The following KALRN variants were observed in gnomAD, a reference collection of about 807,000 sequenced individuals.
The protein encoded by KALRN is kalirin.
Under a neutral mutation model 353.7 loss-of-function variants are expected in KALRN, and 70 were observed. That is an observed-to-expected ratio of 0.20 (90% CI 0.16 to 0.24). The LOEUF (loss-of-function observed/expected upper bound fraction) is 0.24. KALRN is among the 10% of genes least tolerant of loss of function. The pLI, the probability that KALRN is intolerant of heterozygous loss-of-function variation, is 1.00. For synonymous variants in KALRN, 1,391 were observed against 1,434.8 expected (o/e 0.97, Z 0.69); for missense variants, 2,791 against 3,756.7 (o/e 0.74, Z 6.72).
rs16835009 is a variant in KALRN, at chr3:124,042,201, T to G, written c.73+8388T>G. Among the ~76,000 whole-genome samples the G allele has an allele frequency of 9.0e-3, 1,373 of 152,218 alleles. 13 individuals carry two copies. The highest frequency in any genetic ancestry group is 0.03 in the African/African-American group (1,232 of 41,524). ...ATTTAGGGGCAGTAAATGGTCCAGT[T>G]TATGTGACTCAGTGGCTGGTGGAGG... On this transcript the variant is annotated intron_variant, in intron 1 of 59. Coordinates refer to ENST00000682506, the MANE Select transcript of KALRN (RefSeq NM_001388419.1).
intron 58 of KALRN, among the ~76,000 whole-genome samples, chr3:124,715,716 A>G (rs534252454): frequency 7.8e-4 from 119 of 152,356 alleles, no homozygotes; most frequent in African/African-American, 2.8e-3. Flanking sequence ...TGTAACTGAA[A>G]GTCATTTCTG....
intron 1 of KALRN, among the ~76,000 whole-genome samples, chr3:124,087,675 G>A (rs1224124080): frequency 6.6e-6 from 1 of 152,126 alleles, no homozygotes; most frequent in African/African-American, 2.4e-5. Flanking sequence ...GTCTTTTGGG[G>A]TGCTGGGATA....
chr3:124,441,901 A>G (rs2093680437), intron 18 of KALRN, 44 bp from the exon 19 acceptor site: 1 of 1,275,690 alleles, frequency 7.8e-7, no homozygotes, highest in Non-Finnish European at 1.1e-6. Flanking sequence ...CTTGGATTCC[A>G]TACACCTGCT....
intron 34 of KALRN, among the ~76,000 whole-genome samples, chr3:124,565,802 C>T (rs1995322): frequency 0.37 from 56,954 of 152,058 alleles, 11,290 homozygotes; most frequent in African/African-American, 0.51. Flanking sequence ...AGGTGGAAAG[C>T]CAGAGAGCAG....
intron 34 of KALRN, among the ~76,000 whole-genome samples, chr3:124,598,150 T>C (rs2076441153): frequency 6.6e-6 from 1 of 152,234 alleles, no homozygotes; most frequent in African/African-American, 2.4e-5. Context: ...TTCTGGTATT[T>C]ACAAACGTCC....
intron 33 of KALRN, among the ~76,000 whole-genome samples, chr3:124,499,422 T>C (rs1240495347): frequency 4.6e-5 from 7 of 152,206 alleles, no homozygotes; most frequent in Admixed American, 1.3e-4. Context: ...TTGATAACCA[T>C]TAGACATTCA....
chr3:124,072,499 C>T (rs1386702532), intron 1 of KALRN, among the ~76,000 whole-genome samples: 2 of 152,154 alleles, frequency 1.3e-5, no homozygotes. Flanking sequence ...AGATGGGGAT[C>T]CTGGCCCAGG....
chr3:124,492,999 G>C, intron 32 of KALRN, 117 bp downstream of exon 32: 1 of 1,156,274 alleles, frequency 8.6e-7, no homozygotes, highest in Non-Finnish European at 1.2e-6. Flanking sequence ...CTCCAGGAAG[G>C]CCTGTGAGTT....
At chr3:124,231,613 A>G (rs1317018280) in intron 2 of KALRN, among the ~76,000 whole-genome samples, 1 of 152,226 alleles carries the variant, frequency 6.6e-6, no homozygotes, top group Non-Finnish European at 1.5e-5. Context: ...AGTTTGGGAA[A>G]TGCTGGACAT....
At chr3:124,332,832 T>C (rs1446628518) in intron 8 of KALRN, among the ~76,000 whole-genome samples, 2 of 152,118 alleles carry the variant, frequency 1.3e-5, no homozygotes, top group Non-Finnish European at 2.9e-5. Flanking sequence ...GAGCAAAGTA[T>C]TTTAAAAGGA....
intron 1 of KALRN, among the ~76,000 whole-genome samples, chr3:124,191,418 A>G (rs927283284): frequency 2.0e-5 from 3 of 152,210 alleles, no homozygotes; most frequent in African/African-American, 2.4e-5. Flanking sequence ...GCCCCCAGCC[A>G]CCAGTCATCT....
chr3:124,293,430 A>G (rs1259920510), intron 5 of KALRN, among the ~76,000 whole-genome samples: 2 of 152,190 alleles, frequency 1.3e-5, no homozygotes, highest in Non-Finnish European at 2.9e-5. Flanking sequence ...ATGCTTCTTA[A>G]AAAAAGAACA....
At chr3:124,468,436 G>A (rs906520749) in intron 25 of KALRN, among the ~76,000 whole-genome samples, 16 of 152,132 alleles carry the variant, frequency 1.1e-4, no homozygotes, top group Non-Finnish European at 1.6e-4. Context: ...GGGAAAGGCC[G>A]CCCTGTCAGG....
intron 32 of KALRN, among the ~76,000 whole-genome samples, chr3:124,493,421 C>A (rs2063379326): frequency 6.6e-6 from 1 of 152,172 alleles, no homozygotes; most frequent in East Asian, 1.9e-4. Context: ...GGACTTATAT[C>A]TTTCTGGATG....
At position 124,299,276 on chromosome 3, in the gene KALRN, G is replaced by A. The variant is rs1012501809; in HGVS notation, c.1092+363G>A. Among the ~76,000 whole-genome samples the A allele has an allele frequency of 2.6e-5, 4 of 152,210 alleles. No individual in the cohort carries two copies. In the East Asian group the frequency reaches 7.7e-4, roughly 29 times the overall value. ...GATCGGGGATGGTGAGGGGCCTCAA[G>A]CTGTGGCACATTGGAAATGGTTGAG... is the stretch of plus-strand genomic sequence containing the variant. On this transcript the variant is annotated intron_variant, in intron 6 of 59. Coordinates refer to ENST00000682506, the MANE Select transcript of KALRN (RefSeq NM_001388419.1).
intron 51 of KALRN, among the ~76,000 whole-genome samples, chr3:124,689,416 G>A (rs955639239): frequency 3.9e-5 from 6 of 151,920 alleles, no homozygotes; most frequent in African/African-American, 1.5e-4. Flanking sequence ...ATGTTGCCCA[G>A]GCTGGTCTTG....
intron 51 of KALRN, among the ~76,000 whole-genome samples, chr3:124,685,705 A>C (rs1014238557): frequency 6.6e-6 from 1 of 152,180 alleles, no homozygotes; most frequent in Admixed American, 6.5e-5. Flanking sequence ...GCCCAGCCAG[A>C]GCAACCAAGA....
chr3:124,497,639 GT>G (rs760214020), intron 33 of KALRN, among the ~76,000 whole-genome samples: 1 of 152,066 alleles, frequency 6.6e-6, no homozygotes, highest in African/African-American at 2.4e-5. Context: ...GGAAAATTAG[GT>G]TTTTTTCCAC....
intron 1 of KALRN, chr3:124,094,034 G>A (rs2061279804): frequency 6.6e-6 from 1 of 152,264 alleles, no homozygotes; most frequent in Non-Finnish European, 1.5e-5. Context: ...TCTACCAGGT[G>A]CAACACCAGA....
Sources: allele counts gnomAD v4.1 joint callset (sites outside exome capture counted in the v4.1 genomes callset), GRCh38; gene constraint gnomAD v4.1.1; transcripts MANE v1.5; gene names NCBI Gene and HGNC (gene_info 2026-07-23, HGNC 2026-07-21).